The following DRC8 variants were observed in gnomAD, a reference collection of about 807,000 sequenced individuals.
The protein encoded by DRC8 is dynein regulatory complex subunit 8.
At chr1:245,117,025 T>C in the DRC8 span, among the ~76,000 whole-genome samples, 1 of 152,226 alleles carries the variant, frequency 6.6e-6, no homozygotes, top group Non-Finnish European at 1.5e-5. Flanking sequence ...TTAAGCAATT[T>C]GCATTCAGAT....
chr1:245,030,851 G>A, the DRC8 span: 1 of 152,316 alleles, frequency 6.6e-6, no homozygotes, highest in Admixed American at 6.5e-5. Flanking sequence ...AGTCGGCTTT[G>A]GTCATTTGTC....
the DRC8 span, among the ~76,000 whole-genome samples, chr1:244,987,268 T>C: frequency 6.6e-6 from 1 of 151,870 alleles, no homozygotes; most frequent in African/African-American, 2.4e-5. Flanking sequence ...TGGCGCGTTC[T>C]CAGCTCACTA....
the DRC8 span, among the ~76,000 whole-genome samples, chr1:245,062,856 A>G: frequency 6.6e-6 from 1 of 152,128 alleles, no homozygotes; most frequent in Non-Finnish European, 1.5e-5. Context: ...CTGTCTGCTC[A>G]TTATATGAGG....
the DRC8 span, among the ~76,000 whole-genome samples, chr1:245,062,043 T>A: frequency 6.6e-6 from 1 of 152,066 alleles, no homozygotes; most frequent in Non-Finnish European, 1.5e-5. Flanking sequence ...GAGGCAGAGG[T>A]TGCAATGAGC....
chr1:245,065,755 G>T, the DRC8 span, among the ~76,000 whole-genome samples: 1 of 151,790 alleles, frequency 6.6e-6, no homozygotes, highest in Non-Finnish European at 1.5e-5. Context: ...CCGCATCGGA[G>T]TGTTGGGGAT....
chr1:245,050,417 C>T, the DRC8 span, among the ~76,000 whole-genome samples: 1 of 152,106 alleles, frequency 6.6e-6, no homozygotes, highest in Non-Finnish European at 1.5e-5. Flanking sequence ...CCGTTTTCTA[C>T]TCATCCTTCT....
At chr1:245,098,937 G>T in the DRC8 span, among the ~76,000 whole-genome samples, 1 of 152,172 alleles carries the variant, frequency 6.6e-6, no homozygotes, top group Non-Finnish European at 1.5e-5. Context: ...GAGGCACTGG[G>T]GTTCTTAATT....
the DRC8 span, among the ~76,000 whole-genome samples, chr1:244,971,476 T>C: frequency 1.3e-5 from 2 of 152,232 alleles, no homozygotes; most frequent in Non-Finnish European, 2.9e-5. Context: ...CATGGTATGA[T>C]TAAAACCCGA....
chr1:244,976,912 A>T, the DRC8 span, among the ~76,000 whole-genome samples: 1 of 152,366 alleles, frequency 6.6e-6, no homozygotes, highest in Non-Finnish European at 1.5e-5. Context: ...CGGATGAATG[A>T]ACAAACCAAA....
chr1:245,075,208 GAAGTT>G, the DRC8 span, among the ~76,000 whole-genome samples: 2 of 152,116 alleles, frequency 1.3e-5, no homozygotes, highest in South Asian at 2.1e-4. Flanking sequence ...GATGCAAGTG[GAAGTT>G]AAGAACTCCA....
the DRC8 span, among the ~76,000 whole-genome samples, chr1:245,058,132 T>G: frequency 6.6e-5 from 10 of 152,236 alleles, no homozygotes; most frequent in East Asian, 1.7e-3. Context: ...TCCCAGCTAC[T>G]TGGGAGGCTG....
the DRC8 span, among the ~76,000 whole-genome samples, chr1:245,098,013 A>G: frequency 1.3e-5 from 2 of 152,198 alleles, no homozygotes; most frequent in African/African-American, 2.4e-5. Flanking sequence ...AATGGTGCTG[A>G]GCCAGTTAGG....
At chr1:245,063,819 T>TCTCCTGCCTC in the DRC8 span, among the ~76,000 whole-genome samples, 1 of 152,158 alleles carries the variant, frequency 6.6e-6, no homozygotes, top group Non-Finnish European at 1.5e-5. Flanking sequence ...CCTCCTGGCT[T>TCTCCTGCCTC]CAGGTGATTC....
At chr1:244,990,221 C>G in the DRC8 span, among the ~76,000 whole-genome samples, 1 of 152,352 alleles carries the variant, frequency 6.6e-6, no homozygotes, top group East Asian at 1.9e-4. Flanking sequence ...TCACATATGA[C>G]AAGACGCATG....
the DRC8 span, among the ~76,000 whole-genome samples, chr1:245,047,216 C>T: frequency 6.6e-6 from 1 of 152,218 alleles, no homozygotes; most frequent in African/African-American, 2.4e-5. Flanking sequence ...CAAAACACAA[C>T]TAACAGCCTG....
chr1:245,080,614 TACTC>T, the DRC8 span, among the ~76,000 whole-genome samples: 1 of 152,180 alleles, frequency 6.6e-6, no homozygotes, highest in Non-Finnish European at 1.5e-5. Context: ...TTTCCATCCT[TACTC>T]ATAATGAATG....
chr1:245,115,031 A>G, the DRC8 span, among the ~76,000 whole-genome samples: 2 of 151,782 alleles, frequency 1.3e-5, no homozygotes, highest in Non-Finnish European at 2.9e-5. Flanking sequence ...GCTGAGATTT[A>G]AATTATTTAT....
the DRC8 span, among the ~76,000 whole-genome samples, chr1:245,086,156 A>G: frequency 3.3e-5 from 5 of 152,386 alleles, no homozygotes; most frequent in East Asian, 7.7e-4. Context: ...TAGGACAGGT[A>G]TGGTCAAATA....
At chr1:245,063,388 C>T in the DRC8 span, among the ~76,000 whole-genome samples, 2 of 152,200 alleles carry the variant, frequency 1.3e-5, no homozygotes, top group Non-Finnish European at 2.9e-5. Context: ...CATCCAATCT[C>T]AGGGGTACTC....
Sources: allele counts gnomAD v4.1 joint callset (sites outside exome capture counted in the v4.1 genomes callset), GRCh38; gene constraint gnomAD v4.1.1; transcripts MANE v1.5; gene names NCBI Gene and HGNC (gene_info 2026-07-23, HGNC 2026-07-21).